PLCG2: variants seen among roughly 807,000 people sequenced by gnomAD.
The protein encoded by PLCG2 is 1-phosphatidylinositol 4,5-bisphosphate phosphodiesterase gamma-2.
Under a neutral mutation model 175.6 loss-of-function variants are expected in PLCG2, and 69 were observed. The observed-to-expected ratio is 0.39, with a 90% confidence interval of 0.32 to 0.48. The LOEUF (loss-of-function observed/expected upper bound fraction) is 0.48, where lower values mean the gene tolerates loss of function less well. Ranked by LOEUF, PLCG2 falls within the 20% of genes least tolerant of loss-of-function variation. PLCG2 has a pLI of 0.91. For synonymous variants in PLCG2, 827 were observed against 624.0 expected (o/e 1.33, Z -4.85); for missense variants, 1,798 against 1,650.9 (o/e 1.09, Z -1.54).
chr16:81,858,296 C>A lies in PLCG2; in HGVS notation c.371C>A (p.Ser124Tyr), dbSNP rs1297995347. 1.2e-6 allele frequency: 2 copies of A among 1,614,028 alleles called. No individual in the cohort carries two copies. The highest frequency in any genetic ancestry group is 2.2e-5 in the South Asian group (2 of 91,086). Reference protein sequence around the residue: ...DSKEDAVNWLSGLKILHQEAM... With the variant: ...DSKEDAVNWLYGLKILHQEAM... The stretch of plus-strand genomic sequence containing the variant: ...AAAGAGGATGCAGTTAACTGGCTCT[C>A]TGGCTTGAAAATCTTACACCAGGAA... Residue 124 changes from serine to tyrosine, a missense_variant, in exon 4 of 33, where the codon TCT (serine) becomes TAT (tyrosine). Coordinates refer to ENST00000564138, the MANE Select transcript of PLCG2 (RefSeq NM_002661.5).
At chr16:81,768,489 C>A (rs1358345521) in intron 2 of PLCG2, among the ~76,000 whole-genome samples, 1 of 150,738 alleles carries the variant, frequency 6.6e-6, no homozygotes, top group Non-Finnish European at 1.5e-5. Context: ...TCCAACGAGG[C>A]TGCACTGTTT....
rs527810379 is a variant in PLCG2 at position 81,876,404 on chromosome 16, A to C, written c.649-4506A>C. Among the ~76,000 whole-genome samples, 5 of 152,252 alleles carry C rather than the reference A, an allele frequency of 3.3e-5. No individual in the cohort carries two copies. The South Asian group carries it at 1.0e-3, about 32-fold the overall frequency. ...CAGCCTAAGTACCACTGAGTGCGTA[A>C]GACCAGCTTCGGTTGTGAAAGGGCG... On this transcript the variant is annotated intron_variant, in intron 7 of 32. Coordinates refer to ENST00000564138, the MANE Select transcript of PLCG2 (RefSeq NM_002661.5).
intron 30 of PLCG2, among the ~76,000 whole-genome samples, chr16:81,941,528 G>A (rs1231239425): frequency 6.6e-6 from 1 of 151,586 alleles, no homozygotes; most frequent in African/African-American, 2.4e-5. Context: ...GTTACTAGAT[G>A]AAACAAGACT....
chr16:81,906,633 A>C (rs1185322687), intron 15 of PLCG2, among the ~76,000 whole-genome samples: 1 of 152,194 alleles, frequency 6.6e-6, no homozygotes, highest in East Asian at 1.9e-4. Flanking sequence ...CATGTTGGCC[A>C]GGCTGGTCTT....
At chr16:81,794,902 T>A (rs756271578) in intron 2 of PLCG2, among the ~76,000 whole-genome samples, 12 of 152,218 alleles carry the variant, frequency 7.9e-5, no homozygotes, top group Admixed American at 5.2e-4. Flanking sequence ...CTTTGGAGCA[T>A]GCCAGTGTGA....
chr16:81,891,325 A>G, intron 10 of PLCG2, 147 bp from the exon 11 acceptor site: 1 of 642,230 alleles, frequency 1.6e-6, no homozygotes, highest in Non-Finnish European at 2.9e-6. Context: ...TCGGTATTGA[A>G]AACGTGGGTA....
chr16:81,869,363 C>A, intron 6 of PLCG2, 65 bp downstream of exon 6: 3 of 1,177,124 alleles, frequency 2.5e-6, no homozygotes, highest in Non-Finnish European at 2.6e-6. Flanking sequence ...TCTCATGAAG[C>A]CGTGGCTTGC....
intron 2 of PLCG2, among the ~76,000 whole-genome samples, chr16:81,816,408 C>G (rs150403033): frequency 6.6e-6 from 1 of 152,016 alleles, no homozygotes; most frequent in African/African-American, 2.4e-5. Flanking sequence ...ACTGAACTAT[C>G]TGGCATATCC....
At chr16:81,803,070 C>T (rs186987756) in intron 2 of PLCG2, among the ~76,000 whole-genome samples, 1 of 151,238 alleles carries the variant, frequency 6.6e-6, no homozygotes, top group Non-Finnish European at 1.5e-5. Context: ...ACAGAGTTTC[C>T]TATTCTGGAC....
chr16:81,820,461 C>G (rs1396985041), intron 2 of PLCG2, among the ~76,000 whole-genome samples: 1 of 152,222 alleles, frequency 6.6e-6, no homozygotes, highest in Non-Finnish European at 1.5e-5. Flanking sequence ...GTGTGATGTT[C>G]TCAAGGTTCA....
At chr16:81,915,815 T>C (rs1909817200) in intron 19 of PLCG2, among the ~76,000 whole-genome samples, 3 of 152,146 alleles carry the variant, frequency 2.0e-5, no homozygotes, top group Admixed American at 2.0e-4. Context: ...GGAGCTCTTA[T>C]AAAAAGTTTT....
chr16:81,923,299 C>T, intron 21 of PLCG2, 186 bp from the exon 22 acceptor site: 1 of 556,260 alleles, frequency 1.8e-6, no homozygotes. Flanking sequence ...CTCCTTCACT[C>T]CCTGGTGGCT....
chr16:81,959,113 T>G lies in PLCG2; in HGVS notation c.*1115T>G, dbSNP rs1034449669. On this transcript the variant is annotated 3_prime_UTR_variant, in exon 33 of 33. Transcript: ENST00000564138. ...GGCTTTTTAAAGGAGAGGAGAGTGC[T>G]GGGTTGGGAAGGGAGGTGGTTGGTA... is the stretch of plus-strand genomic sequence containing the variant. 4.5e-6 allele frequency: 1 copy of G among 223,876 alleles called. No individual in the cohort carries two copies. The highest frequency in any genetic ancestry group is 2.2e-5 in the African/African-American group (1 of 44,796). The allele number at this position is 223,876 out of a possible 1,614,324, so 13.9% of individuals were successfully genotyped here. A position where few individuals can be genotyped will look rare whatever the true frequency, so the allele number is the denominator to read the frequency against.
At chr16:81,805,767 G>A (rs896980752) in intron 2 of PLCG2, among the ~76,000 whole-genome samples, 1 of 39,520 alleles carries the variant, frequency 2.5e-5, no homozygotes, top group Non-Finnish European at 5.3e-5. Context: ...GTTTTGTTTT[G>A]TTTTTTTTTT....
In PLCG2 at chr16:81,930,976, T is replaced by A. The variant is rs144604408; in HGVS notation, c.2582-521T>A. Among the ~76,000 whole-genome samples, 31 of 152,336 alleles carry A rather than the reference T, an allele frequency of 2.0e-4. No homozygotes were observed. The East Asian group carries it at 5.6e-3, about 27-fold the overall frequency. On this transcript the variant is annotated intron_variant, in intron 24 of 32. Transcript: ENST00000564138. ...TTGTAAAAAATATTTATGATGAGTG[T>A]AAAAAGCATTTTCTAATTGGTCAAC...
At chr16:81,828,734 C>A (rs1034196295) in intron 2 of PLCG2, among the ~76,000 whole-genome samples, 1 of 152,192 alleles carries the variant, frequency 6.6e-6, no homozygotes, top group Admixed American at 6.5e-5. Context: ...CAGCCTCAGC[C>A]TTCCGAAGCT....
chr16:81,803,637 C>G (rs1369589493), intron 2 of PLCG2, among the ~76,000 whole-genome samples: 1 of 15,140 alleles, frequency 6.6e-5, no homozygotes, highest in Non-Finnish European at 1.6e-4. Context: ...TTCTTCTTCC[C>G]TCCCTCCCTC....
chr16:81,955,679 C>T (rs553943389), intron 31 of PLCG2, among the ~76,000 whole-genome samples: 1 of 152,178 alleles, frequency 6.6e-6, no homozygotes, highest in Admixed American at 6.5e-5. Flanking sequence ...GTGGCCATGA[C>T]AGGACCACAC....
chr16:81,799,630 G>A (rs575858581), intron 2 of PLCG2, among the ~76,000 whole-genome samples: 6 of 136,970 alleles, frequency 4.4e-5, no homozygotes, highest in African/African-American at 1.7e-4. Context: ...ACAGAGTCTC[G>A]CTCTATTGCC....
Sources: gnomAD v4.1 joint callset for allele counts (sites outside exome capture counted in the v4.1 genomes callset) on GRCh38, gnomAD v4.1.1 for gene constraint, MANE v1.5 for transcripts, NCBI Gene and HGNC (gene_info 2026-07-23, HGNC 2026-07-21) for gene names.